Variants in SNTG1 observed in about 807,000 individuals in gnomAD.
SNTG1 encodes the protein gamma-1-syntrophin.
A neutral mutation model predicts 74.7 loss-of-function variants in SNTG1; 39 were observed. The observed-to-expected ratio is 0.52, with a 90% CI of 0.40 to 0.68. The LOEUF is 0.68. Ranked by LOEUF, SNTG1 falls within the 30% of genes least tolerant of loss-of-function variation. The pLI is 0.00. For synonymous variants in SNTG1, 254 were observed against 217.1 expected (o/e 1.17, Z -1.49); for missense variants, 685 against 609.5 (o/e 1.12, Z -1.30).
intron 13 of SNTG1, among the ~76,000 whole-genome samples, chr8:50,644,690 C>T (rs1371074877): frequency 6.6e-6 from 1 of 152,024 alleles, no homozygotes; most frequent in Non-Finnish European, 1.5e-5. Context: ...ATTTCTGTCC[C>T]AAACTCCTGT....
At chr8:49,991,711 G>T (rs1194565954) in intron 1 of SNTG1, among the ~76,000 whole-genome samples, 1 of 152,148 alleles carries the variant, frequency 6.6e-6, no homozygotes, top group African/African-American at 2.4e-5. Context: ...TTACAAAAGA[G>T]CACATATGTT....
chr8:50,561,447 C>G (rs539590831), intron 12 of SNTG1, among the ~76,000 whole-genome samples: 1 of 152,020 alleles, frequency 6.6e-6, no homozygotes, highest in African/African-American at 2.4e-5. Flanking sequence ...AAATACAGTG[C>G]AAACCATAAA....
At chr8:50,575,509 A>G (rs1227223182) in intron 12 of SNTG1, among the ~76,000 whole-genome samples, 2 of 151,934 alleles carry the variant, frequency 1.3e-5, no homozygotes, top group Non-Finnish European at 1.5e-5. Context: ...TGTTTTCCAG[A>G]CTCCACCATA....
At chr8:50,623,907 C>T (rs2094939928) in intron 13 of SNTG1, among the ~76,000 whole-genome samples, 1 of 151,822 alleles carries the variant, frequency 6.6e-6, no homozygotes, top group Admixed American at 6.6e-5. Flanking sequence ...AAATTATACT[C>T]AATTACTTTA....
At chr8:50,382,828 C>T (rs889012343) in intron 2 of SNTG1, among the ~76,000 whole-genome samples, 1 of 152,118 alleles carries the variant, frequency 6.6e-6, no homozygotes, top group African/African-American at 2.4e-5. Context: ...GAAATTGGCT[C>T]ATGCAATTGT....
chr8:50,090,154 T>C (rs537054873), intron 1 of SNTG1, among the ~76,000 whole-genome samples: 1 of 152,322 alleles, frequency 6.6e-6, no homozygotes, highest in Non-Finnish European at 1.5e-5. Context: ...TCTTCTTAAA[T>C]ATTATAAAAT....
At chr8:50,111,595 A>C (rs1026739919) in intron 1 of SNTG1, among the ~76,000 whole-genome samples, 1 of 152,148 alleles carries the variant, frequency 6.6e-6, no homozygotes, top group Non-Finnish European at 1.5e-5. Flanking sequence ...TAAGCCACCA[A>C]GTCTATGATA....
chr8:50,285,709 A>G (rs1417050448), intron 2 of SNTG1, among the ~76,000 whole-genome samples: 1 of 152,068 alleles, frequency 6.6e-6, no homozygotes, highest in Non-Finnish European at 1.5e-5. Context: ...CTGGACAGAA[A>G]TAACAGGTAA....
chr8:50,691,896 T>C (rs1460317600), intron 15 of SNTG1, among the ~76,000 whole-genome samples: 1 of 152,230 alleles, frequency 6.6e-6, no homozygotes, highest in Non-Finnish European at 1.5e-5. Flanking sequence ...CAATCAGATG[T>C]AGATTTGGTC....
intron 4 of SNTG1, among the ~76,000 whole-genome samples, chr8:50,413,925 T>C (rs746071865): frequency 4.6e-5 from 7 of 152,226 alleles, no homozygotes; most frequent in Non-Finnish European, 1.0e-4. Flanking sequence ...TCCTATTTTA[T>C]ATTTGCCTCA....
intron 8 of SNTG1, among the ~76,000 whole-genome samples, chr8:50,489,331 G>T (rs1180814163): frequency 6.6e-6 from 1 of 152,160 alleles, no homozygotes; most frequent in Non-Finnish European, 1.5e-5. Flanking sequence ...TCTTGTTCTA[G>T]ATCCTTGAGG....
rs1221229925 is a variant in SNTG1 at position 50,793,031 on chromosome 8, A to T, written c.*202A>T. 7.1e-5 allele frequency: 30 copies of T among 423,484 alleles called. No individual in the cohort carries two copies. The highest frequency in any genetic ancestry group is 8.7e-4 in the Middle Eastern group (2 of 2,294). The allele number at this position is 423,484 out of a possible 1,614,324, so 26.2% of individuals were successfully genotyped here. ...TCTGTGAAATATACTACATGAACAG[A>T]ACAGCTTGTTCTCACTCAGTTGCTT... On this transcript the variant is annotated 3_prime_UTR_variant, in exon 19 of 19. Transcript: ENST00000642720.
intron 2 of SNTG1, among the ~76,000 whole-genome samples, chr8:50,340,286 G>T (rs904569379): frequency 1.8e-4 from 27 of 151,924 alleles, no homozygotes; most frequent in Admixed American, 4.6e-4. Context: ...GAGCAAAACA[G>T]AAGAGCTGAA....
chr8:50,471,159 C>T (rs944704653), intron 8 of SNTG1, among the ~76,000 whole-genome samples: 3 of 151,542 alleles, frequency 2.0e-5, no homozygotes, highest in African/African-American at 7.3e-5. Context: ...GCCGGCTTAA[C>T]CTCTCAACAT....
At chr8:50,657,819 A>G (rs1268421927) in intron 14 of SNTG1, among the ~76,000 whole-genome samples, 4 of 152,150 alleles carry the variant, frequency 2.6e-5, no homozygotes, top group Non-Finnish European at 4.4e-5. Context: ...CTAGATATGT[A>G]TAGATACCTA....
chr8:50,294,214 C>T (rs554180293), intron 2 of SNTG1, among the ~76,000 whole-genome samples: 11 of 152,054 alleles, frequency 7.2e-5, no homozygotes, highest in Non-Finnish European at 1.5e-4. Flanking sequence ...CCTAAAACTG[C>T]GACAAGTAAA....
chr8:50,659,078 GA>G (rs2095202646), intron 15 of SNTG1, among the ~76,000 whole-genome samples: 1 of 151,994 alleles, frequency 6.6e-6, no homozygotes, highest in Non-Finnish European at 1.5e-5. Flanking sequence ...AGAAAATATA[GA>G]AAATATCAGG....
intron 15 of SNTG1, among the ~76,000 whole-genome samples, chr8:50,666,537 T>C (rs1046498002): frequency 1.3e-5 from 2 of 152,164 alleles, no homozygotes; most frequent in African/African-American, 2.4e-5. Flanking sequence ...AAAATAAGTA[T>C]TTGTAATTCA....
chr8:50,405,443 G>A (rs556285295), intron 4 of SNTG1, among the ~76,000 whole-genome samples: 1 of 151,968 alleles, frequency 6.6e-6, no homozygotes, highest in African/African-American at 2.4e-5. Flanking sequence ...CTACTTGTGC[G>A]TCCTCTTTGG....
Sources: gnomAD v4.1 joint callset for allele counts (sites outside exome capture counted in the v4.1 genomes callset) on GRCh38, gnomAD v4.1.1 for gene constraint, MANE v1.5 for transcripts, NCBI Gene and HGNC (gene_info 2026-07-23, HGNC 2026-07-21) for gene names.